Variants in CLCN4 observed in about 807,000 individuals in gnomAD.
The protein encoded by CLCN4 is Cl-/H+ antiporter 4, also known as H(+)/Cl(-) exchange transporter 4.
CLCN4 carries 1 observed loss-of-function variant against 41.7 expected under a neutral mutation model. That is an observed-to-expected ratio of 0.02 (90% CI 0.01 to 0.11). The LOEUF (loss-of-function observed/expected upper bound fraction) is 0.11, where lower values mean the gene tolerates loss of function less well. Ranked by LOEUF, CLCN4 falls within the 10% of genes least tolerant of loss-of-function variation. CLCN4 has a pLI of 1.00. For missense variants in CLCN4, 287 were observed against 661.0 expected, an observed-to-expected ratio of 0.43 and a Z score of 6.20; for synonymous variants, 277 against 285.8, an observed-to-expected ratio of 0.97 and a Z score of 0.31.
At chrX:10,190,170 G>T (rs1347293480) in intron 4 of CLCN4, among the ~76,000 whole-genome samples, 1 of 111,498 alleles carries the variant, frequency 9.0e-6, no homozygotes, top group Non-Finnish European at 1.9e-5. Flanking sequence ...ACTGCATGGT[G>T]ACCACAATTA....
intron 9 of CLCN4, among the ~76,000 whole-genome samples, chrX:10,208,937 G>A (rs1924464796): frequency 8.9e-6 from 1 of 111,784 alleles, no homozygotes; most frequent in African/African-American, 3.3e-5. Flanking sequence ...TCCTGCCGCT[G>A]GCCAGGTGAT....
At chrX:10,230,843 A>T (rs1925110139) in intron 12 of CLCN4, among the ~76,000 whole-genome samples, 1 of 112,217 alleles carries the variant, frequency 8.9e-6, no homozygotes, top group African/African-American at 3.2e-5. Context: ...ATATCAATAC[A>T]TTATTATTAA....
chrX:10,224,766 C>T (rs1020737770), intron 12 of CLCN4, among the ~76,000 whole-genome samples: 7 of 111,311 alleles, frequency 6.3e-5, no homozygotes, highest in Non-Finnish European at 1.3e-4. Flanking sequence ...CGACAGGCCC[C>T]AGTATGTGCT....
Position 10,157,005 on chromosome X carries a change from G to A in CLCN4, c.-370G>A, listed in dbSNP as rs185761732. ...CGACATTTGCCTCTGGCAGGAAAATGAGCTTGTCAGTTTCTGCCTCCATTA... is the reference window on the plus strand; with the variant it reads ...CGACATTTGCCTCTGGCAGGAAAATAAGCTTGTCAGTTTCTGCCTCCATTA... On this transcript the variant is annotated 5_prime_UTR_variant, in exon 1 of 13. It removes an upstream start codon present in the reference 5' UTR. Coordinates refer to ENST00000380833, the MANE Select transcript of CLCN4 (RefSeq NM_001830.4). 1.7e-5 allele frequency: 5 copies of A among 296,796 alleles called. No homozygotes were observed. Among genetic ancestry groups the A allele is most frequent in the Non-Finnish European group, 2.4e-5 (4 of 170,212 alleles). 24.5% of individuals were successfully genotyped at this position (296,796 alleles called of 1,213,427 possible). A position where few individuals can be genotyped will look rare whatever the true frequency, so the allele number is the denominator to read the frequency against.
In CLCN4 at chrX:10,158,300, T is replaced by C. The variant is rs1163865899; in HGVS notation, c.-263T>C. On this transcript the variant is annotated 5_prime_UTR_variant, in exon 2 of 13. Transcript: ENST00000380833. ...ATTCTTCGCGAAAGGCCAGGCAAGCTGCACACATCAAGCGAAACGCCTGAG... is the reference window on the plus strand; with the variant it reads ...ATTCTTCGCGAAAGGCCAGGCAAGCCGCACACATCAAGCGAAACGCCTGAG... 2 of 291,806 alleles carry C rather than the reference T, an allele frequency of 6.9e-6. No individual in the cohort carries two copies. The highest frequency in any genetic ancestry group is 4.5e-4 in the South Asian group (2 of 4,489). 24.0% of individuals were successfully genotyped at this position (291,806 alleles called of 1,213,427 possible).
At chrX:10,198,546 C>T (rs970339001) in intron 6 of CLCN4, among the ~76,000 whole-genome samples, 2 of 112,466 alleles carry the variant, frequency 1.8e-5, no homozygotes, top group Non-Finnish European at 3.8e-5. Context: ...ATGTTTTGCT[C>T]TTCTGGTGGC....
At chrX:10,172,200 A>G (rs1205868007) in intron 2 of CLCN4, among the ~76,000 whole-genome samples, 1 of 112,296 alleles carries the variant, frequency 8.9e-6, no homozygotes, top group Non-Finnish European at 1.9e-5. Context: ...ACAAGGGAGT[A>G]GGACATTTGA....
At chrX:10,189,753 C>T (rs889039096) in intron 4 of CLCN4, among the ~76,000 whole-genome samples, 21 of 112,046 alleles carry the variant, frequency 1.9e-4, no homozygotes, top group Non-Finnish European at 5.6e-5. Context: ...CATGGGTAGG[C>T]CCACAGCATC....
At chrX:10,229,559 T>G (rs1017323707) in intron 12 of CLCN4, among the ~76,000 whole-genome samples, 49 of 94,717 alleles carry the variant, frequency 5.2e-4, no homozygotes, top group African/African-American at 1.7e-3. Context: ...CCCACCCCAC[T>G]ACAGGCCCCG....
At chrX:10,211,203 C>G (rs1474924697) in intron 9 of CLCN4, among the ~76,000 whole-genome samples, 1 of 91,348 alleles carries the variant, frequency 1.1e-5, no homozygotes, top group Non-Finnish European at 2.0e-5. Flanking sequence ...GAGGCAGAGG[C>G]TGCAGTGAGC....
intron 2 of CLCN4, among the ~76,000 whole-genome samples, chrX:10,183,592 CTG>C (rs1310741083): frequency 9.0e-6 from 1 of 110,662 alleles, no homozygotes; most frequent in African/African-American, 3.3e-5. Flanking sequence ...CTCTGTAAGA[CTG>C]TATTCTTTTT....
At position 10,221,475 on chromosome X, in the gene CLCN4, G is replaced by A. The variant is rs760039244; in HGVS notation, c.2192+598G>A. On this transcript the variant is annotated intron_variant, in intron 12 of 12. Coordinates refer to ENST00000380833, the MANE Select transcript of CLCN4 (RefSeq NM_001830.4). ...CAGGAGTTCGAGACCAGCCTGGGTC[G>A]CAAGACCCTATCTCTACAGATAAAT... 6.3e-5 allele frequency among the ~76,000 whole-genome samples: 7 copies of A among 110,655 alleles called. No individual in the cohort carries two copies. In the South Asian group the frequency reaches 2.3e-3, roughly 36 times the overall value.
At chrX:10,215,315 T>C (rs1184988824) in intron 11 of CLCN4, among the ~76,000 whole-genome samples, 1 of 112,135 alleles carries the variant, frequency 8.9e-6, no homozygotes, top group African/African-American at 3.2e-5. Flanking sequence ...CTTTAAGGCA[T>C]CTTCATCAAA....
intron 6 of CLCN4, among the ~76,000 whole-genome samples, chrX:10,200,472 G>A (rs1924212304): frequency 8.9e-6 from 1 of 112,383 alleles, no homozygotes; most frequent in Non-Finnish European, 1.9e-5. Flanking sequence ...ATGGGGAATT[G>A]GTGGAAAATA....
Position 10,193,254 on chromosome X carries a change from G to A in CLCN4, c.245-1657G>A, listed in dbSNP as rs182463776. 8.5e-3 allele frequency among the ~76,000 whole-genome samples: 949 copies of A among 112,165 alleles called. 11 individuals are homozygous for A. Among genetic ancestry groups the A allele is most frequent in the African/African-American group, 0.029 (895 of 30,843 alleles). On this transcript the variant is annotated intron_variant, in intron 4 of 12. Transcript: ENST00000380833. ...TATTGATTGGTGATGTCTGCTGTGG[G>A]CATCGGAAGCTGACGGCTGGGCTAT...
chrX:10,224,495 G>T (rs1275659200), intron 12 of CLCN4, among the ~76,000 whole-genome samples: 2 of 110,314 alleles, frequency 1.8e-5, no homozygotes, highest in Non-Finnish European at 3.8e-5. Flanking sequence ...AAGCCAAGGA[G>T]CTTGTTATCT....
At chrX:10,191,962 C>T (rs1038522547) in intron 4 of CLCN4, among the ~76,000 whole-genome samples, 2 of 111,009 alleles carry the variant, frequency 1.8e-5, no homozygotes, top group Non-Finnish European at 3.8e-5. Context: ...GGATGAGTAA[C>T]TGCCGTGTAG....
intron 2 of CLCN4, among the ~76,000 whole-genome samples, chrX:10,170,202 A>G (rs1225377434): frequency 8.9e-6 from 1 of 112,089 alleles, no homozygotes; most frequent in Admixed American, 9.4e-5. Flanking sequence ...CACTCCCTGT[A>G]GAATAGAGGT....
At chrX:10,170,885 T>G (rs1234705120) in intron 2 of CLCN4, among the ~76,000 whole-genome samples, 2 of 111,064 alleles carry the variant, frequency 1.8e-5, no homozygotes, top group Non-Finnish European at 3.8e-5. Context: ...TATTAGGGAG[T>G]TTTTCTGAAT....
Sources: allele counts gnomAD v4.1 joint callset (sites outside exome capture counted in the v4.1 genomes callset), GRCh38; gene constraint gnomAD v4.1.1; transcripts MANE v1.5; gene names NCBI Gene and HGNC (gene_info 2026-07-23, HGNC 2026-07-21).